The following PPP1CB variants were observed in gnomAD, a reference collection of about 807,000 sequenced individuals.
The protein encoded by PPP1CB is protein phosphatase 1 catalytic subunit beta, also known as serine/threonine-protein phosphatase PP1-beta catalytic subunit.
A neutral mutation model predicts 43.7 loss-of-function variants in PPP1CB; 2 were observed. The ratio of observed to expected loss-of-function variants is 0.05; its 90% CI spans 0.02 to 0.14. The LOEUF is 0.14. PPP1CB is among the 10% of genes least tolerant of loss of function. The pLI is 1.00. For missense variants in PPP1CB, 84 were observed against 398.0 expected (o/e 0.21, Z 6.71); for synonymous variants, 136 against 135.6 (o/e 1.00, Z -0.02).
chr2:28,798,575 C>T (rs1251798616), intron 7 of PPP1CB, among the ~76,000 whole-genome samples: 1 of 151,914 alleles, frequency 6.6e-6, no homozygotes, highest in Admixed American at 6.6e-5. Context: ...GTGAAAGAAG[C>T]CAGTCACAAA....
At chr2:28,780,214 G>A (rs1035383382) in intron 3 of PPP1CB, among the ~76,000 whole-genome samples, 3 of 150,052 alleles carry the variant, frequency 2.0e-5, no homozygotes, top group East Asian at 4.1e-4. Context: ...TCAGCCTCCC[G>A]ATTAGCTGGG....
chr2:28,797,051 T>G (rs1002291635), intron 7 of PPP1CB, among the ~76,000 whole-genome samples: 28 of 152,074 alleles, frequency 1.8e-4, no homozygotes, highest in African/African-American at 6.8e-4. Flanking sequence ...TGGTGTTTGT[T>G]TTTAATTTTA....
intron 1 of PPP1CB, among the ~76,000 whole-genome samples, chr2:28,765,127 C>T (rs1280418698): frequency 1.3e-5 from 2 of 151,962 alleles, no homozygotes; most frequent in African/African-American, 4.8e-5. Flanking sequence ...GAAAGACAAA[C>T]CTGCAATGGA....
intron 7 of PPP1CB, among the ~76,000 whole-genome samples, chr2:28,797,469 T>A (rs1158071210): frequency 6.6e-6 from 1 of 152,146 alleles, no homozygotes; most frequent in Non-Finnish European, 1.5e-5. Context: ...TGTTCAGGAT[T>A]TTAATTTCCT....
At chr2:28,783,632 C>T (rs558628481) in intron 4 of PPP1CB, among the ~76,000 whole-genome samples, 2 of 152,132 alleles carry the variant, frequency 1.3e-5, no homozygotes, top group Admixed American at 6.5e-5. Flanking sequence ...TGGCGCGCGT[C>T]TGTAGTCCCA....
chr2:28,751,798 G>C (rs886967277), upstream of PPP1CB: 9 of 433,088 alleles, frequency 2.1e-5, no homozygotes, highest in South Asian at 1.9e-4. Context: ...GTGGCGCTGC[G>C]GGTGGGGCCG....
At chr2:28,774,227 A>T (rs1351016153) in intron 1 of PPP1CB, among the ~76,000 whole-genome samples, 1 of 152,254 alleles carries the variant, frequency 6.6e-6, no homozygotes, top group Non-Finnish European at 1.5e-5. Context: ...AGTGACCCAC[A>T]TTAGTCTTTT....
At chr2:28,770,093 AC>A (rs1469570586) in intron 1 of PPP1CB, among the ~76,000 whole-genome samples, 1 of 152,060 alleles carries the variant, frequency 6.6e-6, no homozygotes. Context: ...ACATGGTGAA[AC>A]CCTATCTCTA....
At chr2:28,759,496 G>A (rs1278350542) in intron 1 of PPP1CB, among the ~76,000 whole-genome samples, 1 of 138,130 alleles carries the variant, frequency 7.2e-6, no homozygotes, top group East Asian at 2.1e-4. Flanking sequence ...CTCCAGCCTG[G>A]GCGAAAGAGT....
At chr2:28,782,097 C>A in intron 4 of PPP1CB, 1 of 410,256 alleles carries the variant, frequency 2.4e-6, no homozygotes, top group Non-Finnish European at 4.3e-6. Context: ...TCCTTTGCCT[C>A]AAGTTTTAAC....
chr2:28,779,510 A>G (rs1271459061), intron 3 of PPP1CB, among the ~76,000 whole-genome samples: 1 of 152,180 alleles, frequency 6.6e-6, no homozygotes, highest in Non-Finnish European at 1.5e-5. Flanking sequence ...AAGATACTGA[A>G]TACTCTGGGG....
chr2:28,789,981 A>G (rs1054221117), intron 6 of PPP1CB, among the ~76,000 whole-genome samples: 1 of 151,570 alleles, frequency 6.6e-6, no homozygotes, highest in African/African-American at 2.4e-5. Flanking sequence ...TTTTGAGACC[A>G]TTGAAGAATT....
intron 5 of PPP1CB, among the ~76,000 whole-genome samples, chr2:28,786,694 G>A (rs567177024): frequency 6.9e-6 from 1 of 145,558 alleles, no homozygotes; most frequent in Non-Finnish European, 1.5e-5. Context: ...AGAATGGCAT[G>A]AACCCGGGAG....
rs143256773 is a variant in PPP1CB at position 28,782,032 on chromosome 2, T to G, written c.520+190T>G. The G allele has an allele frequency of 2.0e-3, 1,232 of 630,514 alleles. 15 individuals are homozygous for G. In the African/African-American group the frequency reaches 0.02, roughly 10 times the overall value. The allele number at this position is 630,514 out of a possible 1,614,324, so 39.1% of individuals were successfully genotyped here. ...TATTTATAAATGAAAACGTAATGCT[T>G]CTTTAAATACAGTTTCACATATAAG... On this transcript the variant is annotated intron_variant, in intron 4 of 7. Coordinates refer to ENST00000395366, the MANE Select transcript of PPP1CB (RefSeq NM_002709.3).
Position 28,799,518 on chromosome 2 carries a change from A to G in PPP1CB, c.*215A>G. On this transcript the variant is annotated 3_prime_UTR_variant, in exon 8 of 8. Coordinates refer to ENST00000395366, the MANE Select transcript of PPP1CB (RefSeq NM_002709.3). ...ATACTCTGTTATAGTCAACAAAGTT[A>G]AATCCAAATTCAAAATTATCCATTA... 2.5e-6 allele frequency: 1 copy of G among 393,168 alleles called. No homozygotes were observed. The highest frequency in any genetic ancestry group is 4.5e-6 in the Non-Finnish European group (1 of 220,052). 24.4% of individuals were successfully genotyped at this position (393,168 alleles called of 1,614,324 possible).
chr2:28,782,983 A>G (rs1208800877), intron 4 of PPP1CB: 1 of 152,230 alleles, frequency 6.6e-6, no homozygotes, highest in African/African-American at 2.4e-5. Flanking sequence ...AGCTAAGGAT[A>G]GAAGTGTAGC....
At chr2:28,784,967 C>T (rs1215501173) in intron 5 of PPP1CB, among the ~76,000 whole-genome samples, 1 of 147,620 alleles carries the variant, frequency 6.8e-6, no homozygotes, top group African/African-American at 2.5e-5. Flanking sequence ...ACAAAAAATG[C>T]TGCTCAGAAC....
At chr2:28,789,463 T>G (rs1254795685) in intron 6 of PPP1CB, among the ~76,000 whole-genome samples, 1 of 152,006 alleles carries the variant, frequency 6.6e-6, no homozygotes, top group Non-Finnish European at 1.5e-5. Flanking sequence ...GAGCCATGTT[T>G]ATGTCACTGC....
At chr2:28,771,110 G>T (rs1284013891) in intron 1 of PPP1CB, among the ~76,000 whole-genome samples, 3 of 130,734 alleles carry the variant, frequency 2.3e-5, no homozygotes, top group Non-Finnish European at 4.6e-5. Flanking sequence ...CTGCAGTGCA[G>T]TGGCACGATC....
Sources: allele counts gnomAD v4.1 joint callset (sites outside exome capture counted in the v4.1 genomes callset), GRCh38; gene constraint gnomAD v4.1.1; transcripts MANE v1.5; gene names NCBI Gene and HGNC (gene_info 2026-07-23, HGNC 2026-07-21).